AGBL1: variants seen among roughly 807,000 people sequenced by gnomAD.
The protein encoded by AGBL1 is AGBL carboxypeptidase 1.
AGBL1 carries 130 observed loss-of-function variants against 118.9 expected under a neutral mutation model. The ratio of observed to expected loss-of-function variants is 1.09; its 90% CI spans 0.95 to 1.26. The LOEUF (loss-of-function observed/expected upper bound fraction) is 1.26, where lower values mean the gene tolerates loss of function less well. AGBL1 is among the 50% of genes most tolerant of loss of function. The probability of loss-of-function intolerance (pLI) is 0.00; values close to 1 mark genes in which losing one functional copy is unlikely to be tolerated. For missense variants in AGBL1, 1,584 were observed against 1,298.1 expected (o/e 1.22, Z -3.38); for synonymous variants, 555 against 478.9 (o/e 1.16, Z -2.08).
intron 23 of AGBL1, among the ~76,000 whole-genome samples, chr15:86,930,674 A>G (rs2080593882): frequency 6.6e-6 from 1 of 152,194 alleles, no homozygotes; most frequent in Non-Finnish European, 1.5e-5. Flanking sequence ...GTCCATGAAA[A>G]AAATGATAAA....
chr15:86,482,478 C>T (rs2082664601), intron 18 of AGBL1, among the ~76,000 whole-genome samples: 1 of 152,108 alleles, frequency 6.6e-6, no homozygotes, highest in Non-Finnish European at 1.5e-5. Context: ...ATAATGATTT[C>T]CCATAATCTA....
intron 21 of AGBL1, among the ~76,000 whole-genome samples, chr15:86,637,920 T>C (rs2085124018): frequency 6.6e-6 from 1 of 152,218 alleles, no homozygotes; most frequent in Admixed American, 6.5e-5. Flanking sequence ...AAAATATTAA[T>C]TTGCAATTTG....
At chr15:86,528,540 G>C (rs4505273) in intron 19 of AGBL1, among the ~76,000 whole-genome samples, 94,221 of 141,122 alleles carry the variant, frequency 0.67, 33,519 homozygotes, top group African/African-American at 0.92. Flanking sequence ...GAGGGGCGCC[G>C]GCCATTGCCC....
intron 21 of AGBL1, among the ~76,000 whole-genome samples, chr15:86,633,629 G>C (rs951178646): frequency 6.6e-6 from 1 of 151,496 alleles, no homozygotes; most frequent in Non-Finnish European, 1.5e-5. Context: ...AATCCCAAGG[G>C]AGTAAAAAAG....
Position 86,877,071 on chromosome 15 carries a change from C to A in AGBL1, c.3159-30016C>A, listed in dbSNP as rs78318120. The stretch of plus-strand genomic sequence containing the variant: ...TCACTCACTGCACTTAATGAGCTCT[C>A]TTCTCAGATCCATATAAGATAGGGT... On this transcript the variant is annotated intron_variant, in intron 22 of 22. Transcript: ENST00000614907. Among the ~76,000 whole-genome samples, 348 of 152,276 alleles carry A rather than the reference C, an allele frequency of 2.3e-3. 4 individuals carry two copies. Among genetic ancestry groups the A allele is most frequent in the African/African-American group, 8.0e-3 (332 of 41,564 alleles).
intron 22 of AGBL1, among the ~76,000 whole-genome samples, chr15:86,773,873 G>C (rs941142184): frequency 1.3e-5 from 2 of 151,996 alleles, no homozygotes; most frequent in Admixed American, 6.6e-5. Context: ...AAATATACCA[G>C]CTCCACAGGA....
Position 86,261,439 on chromosome 15 carries a change from C to T in AGBL1, c.970-1339C>T, listed in dbSNP as rs890900795. On this transcript the variant is annotated intron_variant, in intron 9 of 22. Coordinates refer to ENST00000614907, the MANE Select transcript of AGBL1 (RefSeq NM_001386094.1). ...CATTAAATGAAACTCATGGGAATTA[C>T]TTTTCTTTTAATTTGAAGTTTGGAG... 2.6e-5 allele frequency among the ~76,000 whole-genome samples: 4 copies of T among 152,290 alleles called. No homozygotes were observed. The South Asian group carries it at 8.3e-4, about 32-fold the overall frequency.
At chr15:86,520,277 T>C (rs1285748567) in intron 18 of AGBL1, among the ~76,000 whole-genome samples, 1 of 152,012 alleles carries the variant, frequency 6.6e-6, no homozygotes, top group East Asian at 1.9e-4. Context: ...TAGAAGTATA[T>C]GATATTTCTC....
At chr15:86,416,180 G>A (rs1312188175) in intron 18 of AGBL1, among the ~76,000 whole-genome samples, 1 of 152,104 alleles carries the variant, frequency 6.6e-6, no homozygotes, top group East Asian at 1.9e-4. Flanking sequence ...TTTGAGTAGA[G>A]ATGACTAAAT....
intron 19 of AGBL1, among the ~76,000 whole-genome samples, chr15:86,537,873 C>T (rs536259474): frequency 2.0e-5 from 3 of 152,280 alleles, no homozygotes; most frequent in East Asian, 1.9e-4. Flanking sequence ...GTGACCGACA[C>T]ATATCTGGCA....
intron 22 of AGBL1, among the ~76,000 whole-genome samples, chr15:86,826,208 G>A (rs1346008819): frequency 2.0e-5 from 3 of 152,054 alleles, no homozygotes; most frequent in African/African-American, 7.2e-5. Flanking sequence ...CTATATTAAG[G>A]AGATAGAGAT....
At chr15:86,822,808 A>C (rs1009801410) in intron 22 of AGBL1, among the ~76,000 whole-genome samples, 13 of 152,166 alleles carry the variant, frequency 8.5e-5, no homozygotes, top group African/African-American at 3.1e-4. Flanking sequence ...GCTAAACTGT[A>C]GGGAAAGAGA....
At chr15:87,028,690 A>G (rs1331225768) in intron 24 of AGBL1, 2 of 721,990 alleles carry the variant, frequency 2.8e-6, no homozygotes, top group Non-Finnish European at 4.7e-6. Context: ...AAATGTAAGT[A>G]TGATTGTTTA....
chr15:86,716,755 A>G (rs1056468554), intron 22 of AGBL1, among the ~76,000 whole-genome samples: 9 of 152,208 alleles, frequency 5.9e-5, no homozygotes, highest in Non-Finnish European at 1.0e-4. Flanking sequence ...AGATGCATAA[A>G]CCAAATTTAT....
At chr15:86,640,459 T>C (rs1192248981) in intron 21 of AGBL1, among the ~76,000 whole-genome samples, 1 of 152,200 alleles carries the variant, frequency 6.6e-6, no homozygotes, top group Non-Finnish European at 1.5e-5. Context: ...ATATAATACA[T>C]GCATACATAG....
intron 22 of AGBL1, among the ~76,000 whole-genome samples, chr15:86,871,958 G>A (rs1477245679): frequency 6.6e-6 from 1 of 152,182 alleles, no homozygotes; most frequent in Non-Finnish European, 1.5e-5. Flanking sequence ...TGGTACATAT[G>A]TTCACATCTG....
chr15:86,169,620 A>C (rs906212903), intron 5 of AGBL1, among the ~76,000 whole-genome samples: 1 of 152,246 alleles, frequency 6.6e-6, no homozygotes, highest in South Asian at 2.1e-4. Flanking sequence ...AAATCTTTAA[A>C]TTACTTATAA....
At chr15:86,356,049 A>G (rs1486052379) in intron 17 of AGBL1, among the ~76,000 whole-genome samples, 1 of 152,202 alleles carries the variant, frequency 6.6e-6, no homozygotes, top group Admixed American at 6.5e-5. Flanking sequence ...TATGTAGTCA[A>G]CAGAGCTATC....
At chr15:86,193,800 T>C (rs1211330018) in intron 5 of AGBL1, among the ~76,000 whole-genome samples, 1 of 152,246 alleles carries the variant, frequency 6.6e-6, no homozygotes, top group Non-Finnish European at 1.5e-5. Context: ...CTTTGAATTT[T>C]GGAATATTTT....
Sources: allele counts gnomAD v4.1 joint callset (sites outside exome capture counted in the v4.1 genomes callset), GRCh38; gene constraint gnomAD v4.1.1; transcripts MANE v1.5; gene names NCBI Gene and HGNC (gene_info 2026-07-23, HGNC 2026-07-21).